The following PIK3C3 variants were observed in gnomAD, a reference collection of about 807,000 sequenced individuals.
PIK3C3 encodes phosphatidylinositol 3-kinase catalytic subunit type 3.
In PIK3C3, 95 loss-of-function variants were observed where a neutral mutation model predicts 126.1. That is an observed-to-expected ratio of 0.75 (90% CI 0.64 to 0.89). PIK3C3 has a LOEUF of 0.89. PIK3C3 is among the 40% of genes least tolerant of loss of function. PIK3C3 has a pLI of 0.00. For missense variants in PIK3C3, 829 were observed against 1,063.2 expected (o/e 0.78, Z 3.06); for synonymous variants, 374 against 360.0 (o/e 1.04, Z -0.44).
chr18:41,990,754 G>A (rs1323262507), intron 6 of PIK3C3, among the ~76,000 whole-genome samples, 200 bp downstream of exon 6: 1 of 152,126 alleles, frequency 6.6e-6, no homozygotes, highest in African/African-American at 2.4e-5. Context: ...ATGTAATGCA[G>A]TTCTGGGTTA....
At chr18:42,079,731 G>A (rs1053835412) in intron 24 of PIK3C3, among the ~76,000 whole-genome samples, 1 of 152,224 alleles carries the variant, frequency 6.6e-6, no homozygotes, top group East Asian at 1.9e-4. Flanking sequence ...GTTTTTCATT[G>A]CGTCCAAATT....
intron 20 of PIK3C3, among the ~76,000 whole-genome samples, chr18:42,044,119 A>G (rs1302157200): frequency 6.6e-6 from 1 of 152,198 alleles, no homozygotes. Flanking sequence ...TTTGAATAAC[A>G]GAAACTAAGT....
At chr18:42,015,615 G>T in intron 12 of PIK3C3, 49 bp downstream of exon 12, 1 of 1,279,482 alleles carries the variant, frequency 7.8e-7, no homozygotes, top group South Asian at 1.2e-5. Context: ...CCTACTGCAT[G>T]AACATTTTAT....
chr18:42,018,641 TAAG>T (rs1384005695), intron 12 of PIK3C3, among the ~76,000 whole-genome samples: 1 of 152,088 alleles, frequency 6.6e-6, no homozygotes, highest in Non-Finnish European at 1.5e-5. Flanking sequence ...GGACTTTACT[TAAG>T]AAAGGACCCC....
chr18:42,026,301 GTAATT>G (rs1177127934), intron 13 of PIK3C3: 1 of 152,114 alleles, frequency 6.6e-6, no homozygotes, highest in Non-Finnish European at 1.5e-5. Context: ...TCCACTGAAA[GTAATT>G]TAAAGTTTCA....
intron 4 of PIK3C3, among the ~76,000 whole-genome samples, chr18:41,976,293 G>A (rs1224914613): frequency 6.6e-6 from 1 of 151,732 alleles, no homozygotes; most frequent in Non-Finnish European, 1.5e-5. Flanking sequence ...TGAGATTTTA[G>A]TTTTATGTAC....
At chr18:41,971,452 T>C (rs1980662570) in intron 4 of PIK3C3, 1 of 152,120 alleles carries the variant, frequency 6.6e-6, no homozygotes, top group Non-Finnish European at 1.5e-5. Context: ...AATGGTGTTG[T>C]AGCAACCTGA....
At chr18:41,981,816 A>AG (rs1181282161) in intron 4 of PIK3C3, among the ~76,000 whole-genome samples, 31 of 151,436 alleles carry the variant, frequency 2.0e-4, no homozygotes, top group Admixed American at 1.7e-3. Flanking sequence ...AAAAAAAAAA[A>AG]AAAGAAAAAA....
chr18:42,053,762 G>T (rs1984911088), intron 21 of PIK3C3, among the ~76,000 whole-genome samples: 1 of 151,978 alleles, frequency 6.6e-6, no homozygotes, highest in Non-Finnish European at 1.5e-5. Context: ...GGAAAGAGGG[G>T]AAGGCAGTAT....
At chr18:42,021,375 T>A (rs1983314202) in intron 13 of PIK3C3, among the ~76,000 whole-genome samples, 1 of 152,106 alleles carries the variant, frequency 6.6e-6, no homozygotes, top group Non-Finnish European at 1.5e-5. Context: ...GTGCCCTTTA[T>A]TTGCCCCAGA....
intron 10 of PIK3C3, among the ~76,000 whole-genome samples, chr18:42,011,749 A>C (rs1230110540): frequency 6.6e-6 from 1 of 152,186 alleles, no homozygotes; most frequent in Non-Finnish European, 1.5e-5. Context: ...TTCTTCACTA[A>C]GCTTAATCAT....
chr18:41,989,114 A>G (rs1245736749), intron 5 of PIK3C3, among the ~76,000 whole-genome samples: 1 of 151,844 alleles, frequency 6.6e-6, no homozygotes, highest in Non-Finnish European at 1.5e-5. Context: ...TTGGGGGACA[A>G]GGTCTTGCTG....
chr18:42,013,647 T>C, intron 11 of PIK3C3, 51 bp downstream of exon 11: 1 of 1,356,724 alleles, frequency 7.4e-7, no homozygotes. Flanking sequence ...TTTTTCCCTT[T>C]TCAAATTGTT....
intron 3 of PIK3C3, among the ~76,000 whole-genome samples, chr18:41,968,987 T>A (rs1276893134): frequency 6.6e-6 from 1 of 151,926 alleles, no homozygotes; most frequent in Non-Finnish European, 1.5e-5. Flanking sequence ...ATTTTAGTTT[T>A]TTTTTTTATT....
At chr18:42,021,631 C>G (rs191451939) in intron 13 of PIK3C3, among the ~76,000 whole-genome samples, 33 of 152,260 alleles carry the variant, frequency 2.2e-4, no homozygotes, top group East Asian at 2.1e-3. Context: ...TAAATGATTT[C>G]TAATCTAATC....
chr18:41,973,035 G>A (rs1425756742), intron 4 of PIK3C3, among the ~76,000 whole-genome samples: 2 of 152,066 alleles, frequency 1.3e-5, no homozygotes, highest in African/African-American at 4.8e-5. Context: ...GCAAAATCAG[G>A]TGTTTAGAAT....
intron 13 of PIK3C3, among the ~76,000 whole-genome samples, chr18:42,025,027 T>TG (rs1207843773): frequency 2.0e-5 from 3 of 151,654 alleles, no homozygotes; most frequent in Non-Finnish European, 4.4e-5. Context: ...TTAGCCAGGA[T>TG]GGTCTCGATC....
At chr18:42,024,584 T>C (rs1171344194) in intron 13 of PIK3C3, among the ~76,000 whole-genome samples, 1 of 150,800 alleles carries the variant, frequency 6.6e-6, no homozygotes, top group Non-Finnish European at 1.5e-5. Context: ...TACAGGCATG[T>C]GCCACCAAGC....
intron 2 of PIK3C3, among the ~76,000 whole-genome samples, chr18:41,958,142 G>A (rs1468376769): frequency 6.6e-6 from 1 of 152,150 alleles, no homozygotes; most frequent in Non-Finnish European, 1.5e-5. Flanking sequence ...TTTAGAGATA[G>A]ATCTATTGCC....
Sources: gnomAD v4.1 joint callset for allele counts (sites outside exome capture counted in the v4.1 genomes callset) on GRCh38, gnomAD v4.1.1 for gene constraint, MANE v1.5 for transcripts, NCBI Gene and HGNC (gene_info 2026-07-23, HGNC 2026-07-21) for gene names.